Variants in ASXL2 observed in about 807,000 individuals in gnomAD.
The protein encoded by ASXL2 is ASXL transcriptional regulator 2.
ASXL2 carries 23 observed loss-of-function variants against 122.0 expected under a neutral mutation model. The ratio of observed to expected loss-of-function variants is 0.19; its 90% CI spans 0.14 to 0.27. The LOEUF (loss-of-function observed/expected upper bound fraction) is 0.27. ASXL2 is among the 10% of genes least tolerant of loss of function. The pLI, the probability that ASXL2 is intolerant of heterozygous loss-of-function variation, is 1.00. For synonymous variants in ASXL2, 650 were observed against 637.0 expected (o/e 1.02, Z -0.31); for missense variants, 1,518 against 1,713.8 (o/e 0.89, Z 2.02).
At chr2:25,805,866 G>A (rs1206263124) in intron 4 of ASXL2, among the ~76,000 whole-genome samples, 1 of 151,970 alleles carries the variant, frequency 6.6e-6, no homozygotes, top group Non-Finnish European at 1.5e-5. Context: ...TAGTAGAGGT[G>A]GGGTTTCACT....
intron 8 of ASXL2, among the ~76,000 whole-genome samples, chr2:25,762,665 GAAAAA>G (rs60065368): frequency 2.0e-3 from 70 of 34,252 alleles, no homozygotes; most frequent in African/African-American, 0.01. Context: ...ACTCTTTCTC[GAAAAA>G]AAAAAAAAAA....
Position 25,863,021 on chromosome 2 carries a change from T to C in ASXL2, c.57+15145A>G, listed in dbSNP as rs538877795. ...ACAATATTTTTAAATACAACCAAATTTTAAAATGCAAACTAAAGCAGCTCA... is the reference window on the plus strand; with the variant it reads ...ACAATATTTTTAAATACAACCAAATCTTAAAATGCAAACTAAAGCAGCTCA... On this transcript the variant is annotated intron_variant, in intron 1 of 12. Transcript: ENST00000435504. Among the ~76,000 whole-genome samples, 30 of 152,170 alleles carry C rather than the reference T, an allele frequency of 2.0e-4. 1 individual carries two copies. Among genetic ancestry groups the C allele is most frequent in the Middle Eastern group, 6.8e-3 (2 of 294 alleles).
At chr2:25,794,363 T>A (rs925862166) in intron 5 of ASXL2, among the ~76,000 whole-genome samples, 1 of 152,214 alleles carries the variant, frequency 6.6e-6, no homozygotes, top group African/African-American at 2.4e-5. Flanking sequence ...CATAATGCAA[T>A]ATTTTATTTT....
At chr2:25,853,978 T>C (rs1280964724) in intron 1 of ASXL2, among the ~76,000 whole-genome samples, 1 of 152,036 alleles carries the variant, frequency 6.6e-6, no homozygotes, top group Non-Finnish European at 1.5e-5. Flanking sequence ...ATTTACAGAT[T>C]TGGGCGCAGA....
chr2:25,784,208 C>A (rs916376717), intron 5 of ASXL2, among the ~76,000 whole-genome samples: 1 of 151,982 alleles, frequency 6.6e-6, no homozygotes, highest in African/African-American at 2.4e-5. Context: ...GTTGTGATCA[C>A]GCCACTGCCT....
chr2:25,772,561 A>C (rs891398767), intron 5 of ASXL2, among the ~76,000 whole-genome samples: 1 of 151,756 alleles, frequency 6.6e-6, no homozygotes, highest in African/African-American at 2.4e-5. Context: ...GAGAAACCCT[A>C]TCTCTACTAA....
At chr2:25,770,448 G>A (rs1224769935) in intron 6 of ASXL2, among the ~76,000 whole-genome samples, 1 of 152,108 alleles carries the variant, frequency 6.6e-6, no homozygotes, top group Non-Finnish European at 1.5e-5. Context: ...ACCAAGTTAT[G>A]TACAGTGTAA....
At chr2:25,754,836 A>G (rs1467963767) in intron 10 of ASXL2, among the ~76,000 whole-genome samples, 2 of 152,188 alleles carry the variant, frequency 1.3e-5, no homozygotes, top group Non-Finnish European at 2.9e-5. Flanking sequence ...CTGAGAAAAA[A>G]AAAAAGGGGT....
chr2:25,803,586 G>C (rs1430345000), intron 4 of ASXL2, among the ~76,000 whole-genome samples: 1 of 152,218 alleles, frequency 6.6e-6, no homozygotes, highest in African/African-American at 2.4e-5. Flanking sequence ...GACTGGTGCT[G>C]TGGAAGACAA....
chr2:25,742,987 T>G lies in ASXL2; in HGVS notation c.3350A>C (p.Lys1117Thr). The change falls in exon 13 of 13, where the codon AAA becomes ACA. Residue 1117 changes from lysine to threonine, a missense_variant. Physicochemically the swap from Lys to Thr is moderately conservative, Grantham distance 78. Coordinates refer to ENST00000435504, the MANE Select transcript of ASXL2 (RefSeq NM_018263.6). ...TAAGTAGTGCCCTGCCATTGCAGGT[T>G]TGGATGTCCTTCTGCCAGCAAAACC... ...MLGFAGRRTS[K>T]PAMAGHYLLN... is the part of the protein sequence containing the mutation. 1 of 1,614,028 alleles carries G rather than the reference T, an allele frequency of 6.2e-7. No homozygotes were observed. The highest frequency in any genetic ancestry group is 1.1e-5 in the South Asian group (1 of 91,086).
chr2:25,856,170 C>T (rs1574450520), intron 1 of ASXL2, among the ~76,000 whole-genome samples: 1 of 151,894 alleles, frequency 6.6e-6, no homozygotes, highest in Admixed American at 6.6e-5. Flanking sequence ...AATTCTCCTG[C>T]CTCAGCCTCC....
At chr2:25,876,860 T>G (rs892658221) in intron 1 of ASXL2, among the ~76,000 whole-genome samples, 5 of 152,078 alleles carry the variant, frequency 3.3e-5, no homozygotes, top group Non-Finnish European at 5.9e-5. Context: ...CTCATCAACC[T>G]CCTAATGCAT....
At chr2:25,821,479 C>T (rs2089309981) in intron 3 of ASXL2, among the ~76,000 whole-genome samples, 1 of 151,610 alleles carries the variant, frequency 6.6e-6, no homozygotes, top group Non-Finnish European at 1.5e-5. Flanking sequence ...AAAAAATATG[C>T]GGGGCTGGGC....
chr2:25,775,412 G>A (rs1294936157), intron 5 of ASXL2, among the ~76,000 whole-genome samples: 1 of 152,158 alleles, frequency 6.6e-6, no homozygotes, highest in Non-Finnish European at 1.5e-5. Context: ...ACAGGCACGA[G>A]CCACTTCGCT....
intron 5 of ASXL2, among the ~76,000 whole-genome samples, chr2:25,785,720 T>C (rs1394782622): frequency 6.6e-6 from 1 of 152,034 alleles, no homozygotes; most frequent in Non-Finnish European, 1.5e-5. Context: ...CTCACTTTTG[T>C]AATTTTAGTA....
In ASXL2 at chr2:25,743,324, C is replaced by T; in HGVS notation, c.3013G>A (p.Glu1005Lys). Residue 1005 changes from glutamate to lysine, a missense_variant, in exon 13 of 13, where the codon GAG becomes AAG. Physicochemically the swap from Glu to Lys is moderately conservative, Grantham distance 56. Transcript: ENST00000435504. ...ATNTTENSTR[E>K]EVNERQSHPA... ...TGGGACTGTCTCTCATTAACTTCCT[C>T]TCTGGTGCTATTTTCTGTTGTGTTG... The T allele has an allele frequency of 6.2e-7, 1 of 1,613,972 alleles. No individual in the cohort carries two copies. Among genetic ancestry groups the T allele is most frequent in the Non-Finnish European group, 8.5e-7 (1 of 1,179,870 alleles).
chr2:25,840,001 G>A (rs970284798), intron 2 of ASXL2, among the ~76,000 whole-genome samples: 6 of 150,910 alleles, frequency 4.0e-5, no homozygotes, highest in Admixed American at 6.6e-5. Flanking sequence ...AAAGTGTTGC[G>A]GTTACAGGCA....
intron 3 of ASXL2, chr2:25,810,087 T>C (rs140389612): frequency 1.8e-4 from 99 of 551,638 alleles, no homozygotes; most frequent in Non-Finnish European, 3.1e-4. Context: ...TCCTTGAGTT[T>C]ATCAGTAAGA....
chr2:25,810,276 C>A, intron 3 of ASXL2: 1 of 630,544 alleles, frequency 1.6e-6, no homozygotes, highest in Non-Finnish European at 3.0e-6. Context: ...CACCAACTTA[C>A]GAGCCACCTC....
Sources: allele counts gnomAD v4.1 joint callset (sites outside exome capture counted in the v4.1 genomes callset), GRCh38; gene constraint gnomAD v4.1.1; transcripts MANE v1.5; gene names NCBI Gene and HGNC (gene_info 2026-07-23, HGNC 2026-07-21).